MCTP1: variants seen among roughly 807,000 people sequenced by gnomAD.
MCTP1 encodes the protein multiple C2 and transmembrane domain containing 1.
Under a neutral mutation model 120.6 loss-of-function variants are expected in MCTP1, and 69 were observed. That is an observed-to-expected ratio of 0.57 (90% CI 0.47 to 0.70). MCTP1 has a LOEUF of 0.70. Among genes scored for constraint, MCTP1 ranks in the 30% least tolerant of loss-of-function variants. The pLI, the probability that MCTP1 is intolerant of heterozygous loss-of-function variation, is 0.00. For synonymous variants in MCTP1, 529 were observed against 493.1 expected (o/e 1.07, Z -0.96); for missense variants, 1,203 against 1,248.8 (o/e 0.96, Z 0.55).
chr5:95,152,757 A>T (rs746152897), intron 1 of MCTP1, among the ~76,000 whole-genome samples: 19 of 152,186 alleles, frequency 1.2e-4, no homozygotes, highest in Admixed American at 5.2e-4. Context: ...AACTAATCAG[A>T]TACAGGAACA....
chr5:94,999,543 A>T (rs1165956292), intron 2 of MCTP1, among the ~76,000 whole-genome samples: 2 of 152,212 alleles, frequency 1.3e-5, no homozygotes, highest in Admixed American at 1.3e-4. Flanking sequence ...GATATTATAG[A>T]CAGAACTTTT....
rs550793527 is a variant in MCTP1 at position 95,284,587 on chromosome 5, T to G, written c.-12A>C. The stretch of plus-strand genomic sequence containing the variant: ...GCCCGGGGCTCCATCCTCCACCCCC[T>G]GCTCCTCCTCTCCCCTCCTCCTCCT... On this transcript the variant is annotated 5_prime_UTR_variant, in exon 1 of 23. Coordinates refer to ENST00000515393, the MANE Select transcript of MCTP1 (RefSeq NM_024717.7). This position sits in a 1 kb window ranked among gnomAD's most constrained non-coding sequence, Gnocchi z 5.2. The G allele has an allele frequency of 6.0e-4, 851 of 1,415,178 alleles. 5 individuals are homozygous for G. In the African/African-American group the frequency reaches 0.012, roughly 19 times the overall value. 87.7% of individuals were successfully genotyped at this position (1,415,178 alleles called of 1,614,324 possible).
chr5:94,888,983 C>G lies in MCTP1; in HGVS notation c.1840-11G>C. On this transcript the variant is annotated splice_polypyrimidine_tract_variant and intron_variant, in intron 11 of 22. Coordinates refer to ENST00000515393, the MANE Select transcript of MCTP1 (RefSeq NM_024717.7). ...TATCCTCAATGGGCTCTGAAAGACC[C>G]CAACATCAGTATTAGAAAAGGGAGG... The G allele has an allele frequency of 1.3e-6, 2 of 1,580,576 alleles. No individual in the cohort carries two copies. Among genetic ancestry groups the G allele is most frequent in the Non-Finnish European group, 1.7e-6 (2 of 1,149,646 alleles).
At chr5:94,870,744 G>A (rs1418146546) in intron 15 of MCTP1, 128 bp downstream of exon 15, 8 of 736,836 alleles carry the variant, frequency 1.1e-5, no homozygotes, top group Admixed American at 2.3e-5. Context: ...TGGCAGAAGC[G>A]TATTCTCCAG....
intron 1 of MCTP1, among the ~76,000 whole-genome samples, chr5:95,155,680 C>T (rs1582387668): frequency 6.6e-6 from 1 of 152,106 alleles, no homozygotes; most frequent in Non-Finnish European, 1.5e-5. Flanking sequence ...CATTAAACTG[C>T]ACAGACCTCA....
chr5:94,974,413 T>A (rs186096), intron 2 of MCTP1, among the ~76,000 whole-genome samples: 2,540 of 152,032 alleles, frequency 0.017, 27 homozygotes, highest in Non-Finnish European at 0.026. Flanking sequence ...TAGCTGGGCA[T>A]GGTGGTATGC....
At chr5:95,242,083 T>G (rs942601286) in intron 1 of MCTP1, among the ~76,000 whole-genome samples, 5 of 152,310 alleles carry the variant, frequency 3.3e-5, no homozygotes, top group East Asian at 3.9e-4. Flanking sequence ...TTCATTCAAA[T>G]GAAGTGGTCC....
chr5:95,091,274 A>G (rs1486122285), intron 1 of MCTP1, among the ~76,000 whole-genome samples: 1 of 152,172 alleles, frequency 6.6e-6, no homozygotes, highest in African/African-American at 2.4e-5. Flanking sequence ...CCCAGGCATG[A>G]CTTTCCATCC....
intron 19 of MCTP1, among the ~76,000 whole-genome samples, chr5:94,721,849 T>TG (rs1315703617): frequency 6.7e-6 from 1 of 150,214 alleles, no homozygotes; most frequent in Admixed American, 6.6e-5. Context: ...GTTTTGTTTT[T>TG]TTTTTTTTAA....
At chr5:94,918,864 A>C (rs1391465954) in intron 7 of MCTP1, among the ~76,000 whole-genome samples, 1 of 152,156 alleles carries the variant, frequency 6.6e-6, no homozygotes, top group Non-Finnish European at 1.5e-5. Flanking sequence ...ATCTTATTTT[A>C]AGGTAAATAA....
At chr5:94,904,456 T>A (rs1027510931) in intron 10 of MCTP1, among the ~76,000 whole-genome samples, 1 of 152,220 alleles carries the variant, frequency 6.6e-6, no homozygotes, top group Non-Finnish European at 1.5e-5. Flanking sequence ...TTTCCATTTA[T>A]GGTAAATTTA....
intron 1 of MCTP1, among the ~76,000 whole-genome samples, chr5:95,229,919 T>A (rs535114842): frequency 1.7e-3 from 256 of 152,174 alleles, no homozygotes; most frequent in African/African-American, 6.0e-3. Flanking sequence ...CTCCCACATA[T>A]CTTCTTCCTG....
rs1209345561 is a variant in MCTP1, at chr5:94,828,648, C to A, written c.2437-29516G>T. 2.6e-5 allele frequency among the ~76,000 whole-genome samples: 4 copies of A among 152,326 alleles called. No individual in the cohort carries two copies. In the East Asian group the frequency reaches 7.7e-4, roughly 29 times the overall value. Reference sequence around the variant, plus strand: ...CTGGTGCCTTTCTTTCAAAGATGCCCTGCCCAGAGAGGAGGAATCTAGAGC... The same window carrying A: ...CTGGTGCCTTTCTTTCAAAGATGCCATGCCCAGAGAGGAGGAATCTAGAGC... On this transcript the variant is annotated intron_variant, in intron 17 of 22. Transcript: ENST00000515393.
chr5:95,225,952 G>T (rs1263762176), intron 1 of MCTP1, among the ~76,000 whole-genome samples: 2 of 152,086 alleles, frequency 1.3e-5, no homozygotes, highest in Admixed American at 1.3e-4. Flanking sequence ...GACCTGTTTT[G>T]TGACCCTATT....
At chr5:94,852,146 A>C (rs1313678391) in intron 17 of MCTP1, among the ~76,000 whole-genome samples, 1 of 151,934 alleles carries the variant, frequency 6.6e-6, no homozygotes, top group Non-Finnish European at 1.5e-5. Context: ...CAGATTTTAA[A>C]GTTTTCTGTG....
chr5:94,768,568 G>A (rs1379242315), intron 19 of MCTP1, among the ~76,000 whole-genome samples: 1 of 152,068 alleles, frequency 6.6e-6, no homozygotes, highest in Non-Finnish European at 1.5e-5. Context: ...ATTAAAAAGT[G>A]GGCTAAGGAT....
intron 18 of MCTP1, among the ~76,000 whole-genome samples, chr5:94,797,932 T>C (rs1389547840): frequency 6.6e-6 from 1 of 152,116 alleles, no homozygotes; most frequent in Non-Finnish European, 1.5e-5. Flanking sequence ...TTCTTTTACA[T>C]TGAAGGTATG....
intron 1 of MCTP1, among the ~76,000 whole-genome samples, chr5:95,162,231 TCATCTA>T (rs987164540): frequency 2.0e-5 from 3 of 152,240 alleles, no homozygotes; most frequent in African/African-American, 2.4e-5. Context: ...TTATATCTAC[TCATCTA>T]CATCTACATC....
chr5:95,209,752 G>C (rs770812311), intron 1 of MCTP1, among the ~76,000 whole-genome samples: 1 of 152,078 alleles, frequency 6.6e-6, no homozygotes, highest in African/African-American at 2.4e-5. Flanking sequence ...GGTTTTGTCT[G>C]AACATTAAGA....
Sources: gnomAD v4.1 joint callset for allele counts (sites outside exome capture counted in the v4.1 genomes callset) on GRCh38, gnomAD v4.1.1 for gene constraint, Gnocchi (gnomAD v3.1) non-coding constraint, MANE v1.5 for transcripts, NCBI Gene and HGNC (gene_info 2026-07-23, HGNC 2026-07-21) for gene names.